The following PDCD10 variants were observed in gnomAD, a reference collection of about 807,000 sequenced individuals.
PDCD10 encodes the protein programmed cell death 10, also known as programmed cell death protein 10.
A neutral mutation model predicts 29.2 loss-of-function variants in PDCD10; 4 were observed. The ratio of observed to expected loss-of-function variants is 0.14; its 90% CI spans 0.07 to 0.31. The LOEUF (loss-of-function observed/expected upper bound fraction) is 0.31. Ranked by LOEUF, PDCD10 falls within the 10% of genes least tolerant of loss-of-function variation. PDCD10 has a pLI of 1.00. For synonymous variants in PDCD10, 70 were observed against 82.2 expected (o/e 0.85, Z 0.80); for missense variants, 183 against 257.9 (o/e 0.71, Z 1.99).
chr3:167,731,266 A>G (rs1190235510), intron 2 of PDCD10, among the ~76,000 whole-genome samples: 1 of 152,218 alleles, frequency 6.6e-6, no homozygotes, highest in Non-Finnish European at 1.5e-5. Flanking sequence ...ATATTTTGTT[A>G]TAATGAATAT....
chr3:167,724,320 C>A (rs183752964), intron 2 of PDCD10, among the ~76,000 whole-genome samples: 28 of 152,302 alleles, frequency 1.8e-4, no homozygotes, highest in African/African-American at 6.3e-4. Context: ...GCTTTTCTCT[C>A]TAGTAAAATC....
At chr3:167,688,978 T>C (rs1454787161) in intron 6 of PDCD10, among the ~76,000 whole-genome samples, 2 of 152,198 alleles carry the variant, frequency 1.3e-5, no homozygotes, top group African/African-American at 4.8e-5. Flanking sequence ...TTTAAAAAAG[T>C]ATTTTAGAGT....
chr3:167,722,314 G>GAACAAGACAAGAC (rs1165837757), intron 2 of PDCD10, among the ~76,000 whole-genome samples: 7 of 152,086 alleles, frequency 4.6e-5, no homozygotes, highest in African/African-American at 7.2e-5. Context: ...ATAGAGCAGT[G>GAACAAGACAAGAC]AACAAGACAA....
At chr3:167,697,568 A>G (rs1334118789) in intron 4 of PDCD10, among the ~76,000 whole-genome samples, 1 of 152,138 alleles carries the variant, frequency 6.6e-6, no homozygotes, top group Non-Finnish European at 1.5e-5. Context: ...CTTTCCATTT[A>G]TATTAAGAGA....
intron 2 of PDCD10, among the ~76,000 whole-genome samples, chr3:167,731,548 T>C (rs1184999894): frequency 2.0e-5 from 3 of 152,234 alleles, no homozygotes; most frequent in Non-Finnish European, 4.4e-5. Flanking sequence ...TATTCATTTC[T>C]CTATTTCTGT....
chr3:167,711,647 T>C (rs1722531515), intron 3 of PDCD10, among the ~76,000 whole-genome samples: 1 of 151,988 alleles, frequency 6.6e-6, no homozygotes, highest in South Asian at 2.1e-4. Flanking sequence ...GAGAAAGATA[T>C]CAACATCTAA....
intron 3 of PDCD10, among the ~76,000 whole-genome samples, chr3:167,712,071 C>T (rs566591665): frequency 6.6e-6 from 1 of 152,144 alleles, no homozygotes; most frequent in South Asian, 2.1e-4. Flanking sequence ...TCTGAAAGTA[C>T]AAAACTCACT....
At chr3:167,693,579 T>C (rs1319233652) in intron 6 of PDCD10, among the ~76,000 whole-genome samples, 2 of 152,086 alleles carry the variant, frequency 1.3e-5, no homozygotes, top group Admixed American at 6.5e-5. Flanking sequence ...ACAATTCTGA[T>C]AGGTAGAGCC....
intron 3 of PDCD10, among the ~76,000 whole-genome samples, chr3:167,710,944 C>T (rs1722462403): frequency 6.6e-6 from 1 of 152,212 alleles, no homozygotes; most frequent in African/African-American, 2.4e-5. Flanking sequence ...AGATCTTAGT[C>T]AACACCACCA....
chr3:167,709,165 G>A (rs1722286332), intron 3 of PDCD10, among the ~76,000 whole-genome samples: 2 of 151,836 alleles, frequency 1.3e-5, no homozygotes, highest in African/African-American at 2.4e-5. Flanking sequence ...AAAACTAAGA[G>A]GGGAGGCGAA....
intron 2 of PDCD10, among the ~76,000 whole-genome samples, chr3:167,725,917 T>C (rs1260358326): frequency 6.7e-6 from 1 of 150,118 alleles, no homozygotes; most frequent in Non-Finnish European, 1.5e-5. Context: ...CTGTCATTCA[T>C]AAACTATCTT....
chr3:167,715,715 C>T (rs991137042), intron 3 of PDCD10, among the ~76,000 whole-genome samples: 1 of 151,970 alleles, frequency 6.6e-6, no homozygotes, highest in East Asian at 1.9e-4. Flanking sequence ...AATGTGGTAT[C>T]ACCTCATCCC....
chr3:167,716,082 G>A (rs914773234), intron 3 of PDCD10, among the ~76,000 whole-genome samples: 11 of 151,432 alleles, frequency 7.3e-5, no homozygotes, highest in African/African-American at 2.7e-4. Context: ...AGAACTATTC[G>A]GCCATAAAAA....
chr3:167,697,747 GA>G (rs1720960737), intron 4 of PDCD10: 1 of 259,368 alleles, frequency 3.9e-6, no homozygotes, highest in African/African-American at 2.3e-5. Context: ...ACTACCTTTT[GA>G]GCTTGTTTCA....
At chr3:167,696,948 G>T in intron 5 of PDCD10, 61 bp downstream of exon 5, 1 of 870,476 alleles carries the variant, frequency 1.1e-6, no homozygotes, top group Non-Finnish European at 2.0e-6. Flanking sequence ...AAATAATAAT[G>T]ATTTAGAGGA....
intron 3 of PDCD10, among the ~76,000 whole-genome samples, chr3:167,708,189 G>T: frequency 6.6e-6 from 1 of 151,608 alleles, no homozygotes; most frequent in Non-Finnish European, 1.5e-5. Context: ...CCATGGAGAG[G>T]ACATTTGTTG....
chr3:167,696,067 A>G (rs890487517), intron 5 of PDCD10, among the ~76,000 whole-genome samples: 4 of 152,120 alleles, frequency 2.6e-5, no homozygotes, highest in Non-Finnish European at 5.9e-5. Flanking sequence ...TCCCAAGGAA[A>G]CCTTAAATTA....
chr3:167,695,223 T>A (rs1559951917), intron 6 of PDCD10, among the ~76,000 whole-genome samples: 1 of 152,192 alleles, frequency 6.6e-6, no homozygotes, highest in Admixed American at 6.5e-5. Flanking sequence ...TGCCTAAGAG[T>A]ACGTTACTTA....
intron 2 of PDCD10, among the ~76,000 whole-genome samples, chr3:167,722,687 T>C (rs1419118989): frequency 6.6e-6 from 1 of 152,032 alleles, no homozygotes; most frequent in South Asian, 2.1e-4. Context: ...GTAAGCACAA[T>C]GGAATTACTC....
Sources: allele counts gnomAD v4.1 joint callset (sites outside exome capture counted in the v4.1 genomes callset), GRCh38; gene constraint gnomAD v4.1.1; transcripts MANE v1.5; gene names NCBI Gene and HGNC (gene_info 2026-07-23, HGNC 2026-07-21).